The following SIPA1L2 variants were observed in gnomAD, a reference collection of about 807,000 sequenced individuals.
The protein encoded by SIPA1L2 is signal-induced proliferation-associated 1-like protein 2.
In SIPA1L2, 56 loss-of-function variants were observed where a neutral mutation model predicts 163.9. That is an observed-to-expected ratio of 0.34 (90% CI 0.28 to 0.43). The LOEUF (loss-of-function observed/expected upper bound fraction) is 0.43, where lower values mean the gene tolerates loss of function less well. Ranked by LOEUF, SIPA1L2 falls within the 20% of genes least tolerant of loss-of-function variation. The pLI is 1.00. For missense variants in SIPA1L2, 1,974 were observed against 2,193.5 expected (o/e 0.90, Z 2.00); for synonymous variants, 877 against 865.7 (o/e 1.01, Z -0.23).
intron 19 of SIPA1L2, among the ~76,000 whole-genome samples, chr1:232,406,377 T>C (rs988328638): frequency 2.6e-5 from 4 of 152,224 alleles, no homozygotes; most frequent in African/African-American, 7.2e-5. Flanking sequence ...ACGCTGGGCA[T>C]GGCTGACACA....
intron 1 of SIPA1L2, among the ~76,000 whole-genome samples, chr1:232,613,698 T>TG (rs5781709): frequency 6.6e-6 from 1 of 151,956 alleles, no homozygotes; most frequent in Non-Finnish European, 1.5e-5. Context: ...AGAACAAAAT[T>TG]TATGTGTGTG....
intron 19 of SIPA1L2, among the ~76,000 whole-genome samples, chr1:232,412,141 A>G (rs896415694): frequency 1.3e-5 from 2 of 152,182 alleles, no homozygotes; most frequent in African/African-American, 4.8e-5. Flanking sequence ...AGTAAAATCT[A>G]AATTCTTAAA....
At chr1:232,400,815 C>T (rs1660292730) in intron 22 of SIPA1L2, among the ~76,000 whole-genome samples, 1 of 152,140 alleles carries the variant, frequency 6.6e-6, no homozygotes, top group South Asian at 2.1e-4. Flanking sequence ...CCTCAACCCC[C>T]ACTCCCATGA....
At chr1:232,428,364 T>C in intron 17 of SIPA1L2, 47 bp downstream of exon 17, 2 of 1,303,840 alleles carry the variant, frequency 1.5e-6, no homozygotes, top group South Asian at 2.3e-5. Context: ...TTTTTTTTTT[T>C]TTTTTTTAGT....
intron 2 of SIPA1L2, among the ~76,000 whole-genome samples, chr1:232,527,929 A>G (rs1667791734): frequency 6.6e-6 from 1 of 150,888 alleles, no homozygotes; most frequent in African/African-American, 2.4e-5. Flanking sequence ...TTTTCTTATT[A>G]AAAATATGAT....
rs765880598 is a variant in SIPA1L2 at position 232,439,114 on chromosome 1, T to G, written c.4025A>C (p.His1342Pro). ...GCAGTGCTGTGGGGCTTACCTGGAA[T>G]GAGAGGATATCTCACTGAGATCGCC... ...SMGDLSEISS[H>P]SSGSHHSGSP... is the part of the protein sequence containing the mutation. The change falls in exon 15 of 23, where the codon CAT becomes CCT. Residue 1342 changes from histidine to proline, a missense_variant. By Grantham distance (77) the His-to-Pro change is moderately conservative. Coordinates refer to ENST00000674635, the MANE Select transcript of SIPA1L2 (RefSeq NM_020808.5). 6.2e-7 allele frequency: 1 copy of G among 1,603,028 alleles called. No homozygotes were observed. Among genetic ancestry groups the G allele is most frequent in the Non-Finnish European group, 8.5e-7 (1 of 1,174,004 alleles).
chr1:232,514,566 G>T lies in SIPA1L2; in HGVS notation c.774C>A (p.Ile258=), dbSNP rs1379728787. 4.3e-6 allele frequency: 7 copies of T among 1,614,042 alleles called. No homozygotes were observed. The African/African-American group carries it at 9.3e-5, about 22-fold the overall frequency. Residue 258 remains isoleucine, a synonymous_variant, in exon 3 of 23, where the codon ATC becomes ATA. Coordinates refer to ENST00000674635, the MANE Select transcript of SIPA1L2 (RefSeq NM_020808.5). Reference sequence around the variant, plus strand: ...CACTGTCCACATAATCTAATCCTGAGATGCGGACAAATTCTCCCCTAGAAA... The same window carrying T: ...CACTGTCCACATAATCTAATCCTGATATGCGGACAAATTCTCCCCTAGAAA... ...AQISRGEFVR[I]SGLDYVDSAL... is the part of the protein sequence containing the mutation.
At position 232,461,135 on chromosome 1, in the gene SIPA1L2, C is replaced by T; in HGVS notation, c.2847G>A (p.Val949=). 6.2e-7 allele frequency: 1 copy of T among 1,614,222 alleles called. No homozygotes were observed. The highest frequency in any genetic ancestry group is 8.5e-7 in the Non-Finnish European group (1 of 1,180,028). ...GCCCGTTCCTCCTCAGGGTCATTTCCACAGTCTCGCAGCCTCTCGTCACTA... is the reference window on the plus strand; with the variant it reads ...GCCCGTTCCTCCTCAGGGTCATTTCTACAGTCTCGCAGCCTCTCGTCACTA... The part of the protein sequence containing the change: ...LVIVTRGCET[V]EMTLRRNGLG... The change falls in exon 10 of 23, where the codon GTG becomes GTA. Residue 949 remains valine, a synonymous_variant. Coordinates refer to ENST00000674635, the MANE Select transcript of SIPA1L2 (RefSeq NM_020808.5).
At position 232,515,290 on chromosome 1, in the gene SIPA1L2, G is replaced by T; in HGVS notation, c.50C>A (p.Ala17Asp). 1.2e-6 allele frequency: 2 copies of T among 1,611,900 alleles called. No individual in the cohort carries two copies. The highest frequency in any genetic ancestry group is 1.7e-6 in the Non-Finnish European group (2 of 1,178,760). Residue 17 changes from alanine to aspartate, a missense_variant, in exon 3 of 23, where the codon GCC (alanine) becomes GAC (aspartate). Ala to Asp is a moderately radical substitution (Grantham distance 126, BLOSUM62 -2). Around this residue, in one of 3 missense-constraint regions of SIPA1L2, gnomAD observed 607 missense variants for 624.0 expected, o/e 0.97. Coordinates refer to ENST00000674635, the MANE Select transcript of SIPA1L2 (RefSeq NM_020808.5). ...AGGGGGATCCTTGAACTTTGAAGAG[G>T]CTCTGCCTAGCTTGTGCTTCTCTTC... is the stretch of plus-strand genomic sequence containing the variant. ...SQEEKHKLGRASSKFKDPPRI... is the reference protein window; with the variant it reads ...SQEEKHKLGRDSSKFKDPPRI...
chr1:232,552,192 G>A (rs189742685), intron 2 of SIPA1L2, among the ~76,000 whole-genome samples: 1 of 152,214 alleles, frequency 6.6e-6, no homozygotes, highest in African/African-American at 2.4e-5. Flanking sequence ...CAAATATTTA[G>A]TGTCCAGTGC....
At chr1:232,414,175 G>A (rs567655747) in intron 19 of SIPA1L2, among the ~76,000 whole-genome samples, 4 of 152,308 alleles carry the variant, frequency 2.6e-5, no homozygotes, top group South Asian at 4.1e-4. Context: ...AAGCAGTCTC[G>A]TTCCTTCCAT....
At position 232,568,091 on chromosome 1, in the gene SIPA1L2, T is replaced by A. The variant is rs57590095; in HGVS notation, c.-270+6083A>T. ...TCATCTGTAGAAGAGACATGTAACA[T>A]CCTTTGTAATAAACCAGTATATCTA... On this transcript the variant is annotated intron_variant, in intron 2 of 22. Transcript: ENST00000674635. 0.049 allele frequency among the ~76,000 whole-genome samples: 7,486 copies of A among 152,272 alleles called. 849 individuals carry two copies. In the East Asian group the frequency reaches 0.5, roughly 10 times the overall value.
At chr1:232,542,304 GCATCTATGC>G (rs1041006171) in intron 2 of SIPA1L2, among the ~76,000 whole-genome samples, 6 of 152,162 alleles carry the variant, frequency 3.9e-5, no homozygotes, top group Non-Finnish European at 8.8e-5. Flanking sequence ...ACAATCGCCT[GCATCTATGC>G]CATCTATGCC....
intron 10 of SIPA1L2, among the ~76,000 whole-genome samples, chr1:232,449,374 C>T (rs1663416353): frequency 1.3e-5 from 2 of 151,722 alleles, no homozygotes; most frequent in East Asian, 1.9e-4. Flanking sequence ...AAAAATTGGC[C>T]GGGCACGGTG....
intron 1 of SIPA1L2, among the ~76,000 whole-genome samples, chr1:232,588,169 C>T (rs1660769901): frequency 6.6e-6 from 1 of 152,156 alleles, no homozygotes; most frequent in Non-Finnish European, 1.5e-5. Context: ...TGGTGGCTGT[C>T]GCAAGGGTCA....
chr1:232,576,638 G>T lies in SIPA1L2; in HGVS notation c.-318-2416C>A, dbSNP rs557118610. The stretch of plus-strand genomic sequence containing the variant: ...AACCAGAAGCAATTAAGCTCAATGG[G>T]GAAGACATGTCAAAAGCCAAAACAG... On this transcript the variant is annotated intron_variant, in intron 1 of 22. Transcript: ENST00000674635. Among the ~76,000 whole-genome samples the T allele has an allele frequency of 2.7e-4, 41 of 152,260 alleles. 1 individual carries two copies. In the South Asian group the frequency reaches 8.1e-3, roughly 30 times the overall value.
intron 2 of SIPA1L2, among the ~76,000 whole-genome samples, chr1:232,563,014 T>G (rs548043092): frequency 6.6e-6 from 1 of 152,340 alleles, no homozygotes; most frequent in African/African-American, 2.4e-5. Flanking sequence ...GCTATTCAGA[T>G]GCTTTCTGAA....
intron 2 of SIPA1L2, among the ~76,000 whole-genome samples, chr1:232,545,601 T>C (rs1212280069): frequency 6.6e-6 from 1 of 152,190 alleles, no homozygotes; most frequent in Non-Finnish European, 1.5e-5. Context: ...AGCTGAAAAA[T>C]TCATAGCTTT....
intron 10 of SIPA1L2, among the ~76,000 whole-genome samples, chr1:232,449,589 T>A (rs1663442405): frequency 6.9e-6 from 1 of 144,794 alleles, no homozygotes; most frequent in Non-Finnish European, 1.5e-5. Context: ...CAGACAGACC[T>A]ATCACAAAAG....
Sources: allele counts gnomAD v4.1 joint callset (sites outside exome capture counted in the v4.1 genomes callset), GRCh38; gene constraint gnomAD v4.1.1; regional missense constraint gnomAD v4.1.1; transcripts MANE v1.5; gene names NCBI Gene and HGNC (gene_info 2026-07-23, HGNC 2026-07-21).